DLGAP4: variants seen among roughly 807,000 people sequenced by gnomAD.
DLGAP4 encodes the protein DLG associated protein 4, also known as disks large-associated protein 4.
Under a neutral mutation model 86.9 loss-of-function variants are expected in DLGAP4, and 18 were observed. That is an observed-to-expected ratio of 0.21 (90% CI 0.14 to 0.31). DLGAP4 has a LOEUF of 0.31. Among genes scored for constraint, DLGAP4 ranks in the 10% least tolerant of loss-of-function variants. The pLI, the probability that DLGAP4 is intolerant of heterozygous loss-of-function variation, is 1.00. For missense variants in DLGAP4, 1,085 were observed against 1,362.6 expected, an observed-to-expected ratio of 0.80 and a Z score of 3.21; for synonymous variants, 548 against 574.3, an observed-to-expected ratio of 0.95 and a Z score of 0.65.
intron 1 of DLGAP4, among the ~76,000 whole-genome samples, chr20:36,344,428 G>A (rs2065415778): frequency 6.6e-6 from 1 of 152,260 alleles, no homozygotes; most frequent in African/African-American, 2.4e-5. Flanking sequence ...GATGCTTACT[G>A]GGCCCCTCCA....
At chr20:36,386,028 A>C (rs1008807675) in intron 2 of DLGAP4, among the ~76,000 whole-genome samples, 1 of 152,108 alleles carries the variant, frequency 6.6e-6, no homozygotes, top group Non-Finnish European at 1.5e-5. Flanking sequence ...TGGCAGGAGT[A>C]ATAGAGAGAA....
intron 2 of DLGAP4, among the ~76,000 whole-genome samples, chr20:36,415,682 C>T (rs1054883855): frequency 1.3e-5 from 2 of 152,140 alleles, no homozygotes; most frequent in African/African-American, 4.8e-5. Context: ...ATGTTGGCAC[C>T]AGGATTCAAA....
intron 10 of DLGAP4, among the ~76,000 whole-genome samples, chr20:36,521,817 T>C (rs2037396182): frequency 6.6e-6 from 1 of 152,234 alleles, no homozygotes; most frequent in African/African-American, 2.4e-5. Flanking sequence ...TTTTCATCTA[T>C]TCCCTGGCAA....
chr20:36,371,718 T>C (rs1483413898), intron 2 of DLGAP4, among the ~76,000 whole-genome samples: 2 of 152,146 alleles, frequency 1.3e-5, no homozygotes, highest in Non-Finnish European at 2.9e-5. Flanking sequence ...AATTTATTAT[T>C]GCATAAAGAA....
chr20:36,421,467 A>G (rs559297170), intron 2 of DLGAP4, among the ~76,000 whole-genome samples: 1 of 151,978 alleles, frequency 6.6e-6, no homozygotes, highest in South Asian at 2.1e-4. Flanking sequence ...AAAAAAAAAA[A>G]AAAGAGAGAA....
intron 1 of DLGAP4, among the ~76,000 whole-genome samples, chr20:36,315,529 TG>T (rs1185541877): frequency 1 from 152,025 of 152,026 alleles, 76,012 homozygotes; most frequent in Non-Finnish European, 1. Context: ...ACTGGAAACT[TG>T]GGTGGCCATG....
At chr20:36,442,461 T>C (rs1229477088) in intron 5 of DLGAP4, among the ~76,000 whole-genome samples, 2 of 152,212 alleles carry the variant, frequency 1.3e-5, no homozygotes, top group African/African-American at 4.8e-5. Flanking sequence ...CCCAGAGTGC[T>C]GGGATTATAG....
At chr20:36,332,388 G>A (rs561863510) in intron 1 of DLGAP4, among the ~76,000 whole-genome samples, 120 of 151,658 alleles carry the variant, frequency 7.9e-4, no homozygotes, top group Non-Finnish European at 1.5e-3. Flanking sequence ...GTTTTGTTTT[G>A]TTTTTTTGTT....
chr20:36,432,319 T>C lies in DLGAP4; in HGVS notation c.602T>C (p.Ile201Thr). Reference sequence around the variant, plus strand: ...CCCAAACGGCGCAGCCGCTCCAACATCTCAGGCTGGTGGAGCTCCGATGAC... The same window carrying C: ...CCCAAACGGCGCAGCCGCTCCAACACCTCAGGCTGGTGGAGCTCCGATGAC... ...GEPKRRSRSN[I>T]SGWWSSDDNL... The change falls in exon 3 of 13, where the codon ATC becomes ACC. Residue 201 changes from isoleucine (I) to threonine (T), a missense_variant. Coordinates refer to ENST00000339266, the MANE Select transcript of DLGAP4 (RefSeq NM_001365621.2). The surrounding 1 kb of genome is among the most constrained non-coding windows in gnomAD (Gnocchi z 6.5). 1 of 1,613,708 alleles carries C rather than the reference T, an allele frequency of 6.2e-7. No homozygotes were observed. The highest frequency in any genetic ancestry group is 1.1e-5 in the South Asian group (1 of 91,072).
intron 7 of DLGAP4, among the ~76,000 whole-genome samples, chr20:36,471,629 A>G (rs907123655): frequency 6.6e-6 from 1 of 152,116 alleles, no homozygotes; most frequent in Non-Finnish European, 1.5e-5. Flanking sequence ...TGCCTTTCTC[A>G]TGTCCCTGGC....
intron 1 of DLGAP4, among the ~76,000 whole-genome samples, chr20:36,352,206 G>T (rs1399147542): frequency 6.6e-6 from 1 of 152,138 alleles, no homozygotes; most frequent in Non-Finnish European, 1.5e-5. Context: ...GGGCATGATG[G>T]TGAGAGTGGG....
chr20:36,520,380 C>A (rs923500281), intron 10 of DLGAP4, among the ~76,000 whole-genome samples: 46 of 151,966 alleles, frequency 3.0e-4, no homozygotes, highest in African/African-American at 1.1e-3. Flanking sequence ...GAGTCTCACT[C>A]TGTTGCCCAG....
intron 12 of DLGAP4, among the ~76,000 whole-genome samples, chr20:36,526,576 T>C (rs1476542375): frequency 6.6e-6 from 1 of 151,870 alleles, no homozygotes; most frequent in African/African-American, 2.4e-5. Context: ...GATCTGCCCG[T>C]CCCCGCTGCT....
chr20:36,481,637 T>G (rs1177975998), intron 7 of DLGAP4, among the ~76,000 whole-genome samples: 2 of 152,204 alleles, frequency 1.3e-5, no homozygotes, highest in Non-Finnish European at 1.5e-5. Context: ...CAAGGACTAC[T>G]CATTCTGGGT....
intron 4 of DLGAP4, among the ~76,000 whole-genome samples, chr20:36,439,255 A>T (rs1487564709): frequency 6.6e-6 from 1 of 152,170 alleles, no homozygotes; most frequent in Non-Finnish European, 1.5e-5. Context: ...AGTAAGGGGT[A>T]ATGACTTGCC....
At chr20:36,417,822 T>G (rs1344464261) in intron 2 of DLGAP4, among the ~76,000 whole-genome samples, 1 of 151,960 alleles carries the variant, frequency 6.6e-6, no homozygotes, top group Non-Finnish European at 1.5e-5. Flanking sequence ...TTTGCTGTTG[T>G]CACCCAGGTT....
At chr20:36,352,304 C>G (rs1015870460) in intron 1 of DLGAP4, among the ~76,000 whole-genome samples, 21 of 152,072 alleles carry the variant, frequency 1.4e-4, no homozygotes, top group African/African-American at 4.8e-4. Flanking sequence ...GAGATGGGAG[C>G]CACTGAGGGC....
chr20:36,466,523 G>T (rs1407614713), intron 7 of DLGAP4, among the ~76,000 whole-genome samples: 3 of 152,182 alleles, frequency 2.0e-5, no homozygotes, highest in African/African-American at 7.2e-5. Flanking sequence ...ATGTAATGAG[G>T]TTGATGAGGT....
Position 36,527,231 on chromosome 20 carries a change from CA to C in DLGAP4, c.*208del. Reference sequence around the variant, plus strand: ...CTTTAGGTTATGAAGATTTTACTCACAAAAAAAATCAACAAAAATCACGAAA... The same window carrying C: ...CTTTAGGTTATGAAGATTTTACTCACAAAAAAATCAACAAAAATCACGAAA... On this transcript the variant is annotated 3_prime_UTR_variant, in exon 13 of 13. Transcript: ENST00000339266. The C allele has an allele frequency of 3.4e-5, 16 of 470,648 alleles. No homozygotes were observed. The highest frequency in any genetic ancestry group is 1.1e-4 in the South Asian group (2 of 17,938). 29.2% of individuals were successfully genotyped at this position (470,648 alleles called of 1,614,324 possible).
Sources: allele counts gnomAD v4.1 joint callset (sites outside exome capture counted in the v4.1 genomes callset), GRCh38; gene constraint gnomAD v4.1.1; non-coding constraint Gnocchi (gnomAD v3.1); transcripts MANE v1.5; gene names NCBI Gene and HGNC (gene_info 2026-07-23, HGNC 2026-07-21).